The following MEF2C variants were observed in gnomAD, a reference collection of about 807,000 sequenced individuals.
The protein encoded by MEF2C is myocyte-specific enhancer factor 2C.
In MEF2C, 6 loss-of-function variants were observed where a neutral mutation model predicts 50.5. The observed-to-expected ratio is 0.12, with a 90% CI of 0.07 to 0.23. The LOEUF (loss-of-function observed/expected upper bound fraction) is 0.23. Ranked by LOEUF, MEF2C falls within the 10% of genes least tolerant of loss-of-function variation. The pLI, the probability that MEF2C is intolerant of heterozygous loss-of-function variation, is 1.00. For missense variants in MEF2C, 276 were observed against 605.0 expected (o/e 0.46, Z 5.70); for synonymous variants, 183 against 228.0 (o/e 0.80, Z 1.78).
chr5:88,733,402 G>A, intron 6 of MEF2C: 1 of 985,216 alleles, frequency 1.0e-6, no homozygotes, highest in Non-Finnish European at 1.2e-6. Context: ...GGGTTTATAT[G>A]GTGGAAATGA....
At chr5:88,895,876 A>G (rs2150284759) in intron 1 of MEF2C, among the ~76,000 whole-genome samples, 1 of 152,330 alleles carries the variant, frequency 6.6e-6, no homozygotes, top group Non-Finnish European at 1.5e-5. Flanking sequence ...CGCCTAATCC[A>G]TGACACGGTA....
intron 4 of MEF2C, among the ~76,000 whole-genome samples, chr5:88,758,522 T>C (rs1381762771): frequency 2.0e-5 from 3 of 152,180 alleles, no homozygotes; most frequent in East Asian, 3.9e-4. Flanking sequence ...AAAGGGAAAC[T>C]CTTCAAACTG....
At chr5:88,844,222 T>C (rs982470866) in intron 1 of MEF2C, among the ~76,000 whole-genome samples, 59 of 152,344 alleles carry the variant, frequency 3.9e-4, no homozygotes, top group African/African-American at 1.4e-3. Flanking sequence ...CGTAATCTCA[T>C]GATTATACTT....
intron 6 of MEF2C, chr5:88,738,531 T>C (rs1765084137): frequency 1.1e-6 from 1 of 895,966 alleles, no homozygotes; most frequent in Admixed American, 6.2e-5. Context: ...GTCAAACAGC[T>C]ATCAACTGGT....
At chr5:88,740,847 TG>T in intron 6 of MEF2C, 1 of 985,408 alleles carries the variant, frequency 1.0e-6, no homozygotes, top group African/African-American at 1.7e-5. Context: ...CTTGAGATTT[TG>T]GGGCTGTCTC....
chr5:88,810,667 TA>T (rs1802400292), intron 2 of MEF2C, among the ~76,000 whole-genome samples: 1 of 152,194 alleles, frequency 6.6e-6, no homozygotes. Flanking sequence ...GCTGATGAAC[TA>T]TAATTAATGA....
chr5:88,835,963 C>T (rs771596468), intron 1 of MEF2C, among the ~76,000 whole-genome samples: 38 of 151,950 alleles, frequency 2.5e-4, no homozygotes, highest in South Asian at 2.1e-4. Flanking sequence ...ATTTCCTATG[C>T]CTTAAGGAAT....
chr5:88,758,222 T>C (rs142422152), intron 4 of MEF2C, among the ~76,000 whole-genome samples: 17 of 152,324 alleles, frequency 1.1e-4, no homozygotes, highest in African/African-American at 3.8e-4. Flanking sequence ...GCCCATTATT[T>C]TGAAGAAAAT....
At chr5:88,854,210 CAATA>C (rs961181584) in intron 1 of MEF2C, among the ~76,000 whole-genome samples, 1 of 152,230 alleles carries the variant, frequency 6.6e-6, no homozygotes, top group African/African-American at 2.4e-5. Flanking sequence ...TATTAGGATA[CAATA>C]AATAGATACT....
Position 88,720,709 on chromosome 5 carries a change from A to G in MEF2C, c.*1895T>C, listed in dbSNP as rs1005181503. 1.3e-5 allele frequency: 2 copies of G among 152,564 alleles called. No homozygotes were observed. Among genetic ancestry groups the G allele is most frequent in the African/African-American group, 4.8e-5 (2 of 41,428 alleles). The allele number at this position is 152,564 out of a possible 1,614,324, so 9.5% of individuals were successfully genotyped here. A position where few individuals can be genotyped will look rare whatever the true frequency, so the allele number is the denominator to read the frequency against. ...GACTGAAATATCTTTTAAACAATAT[A>G]TATTGACTTTCTTATGGCACTCACT... On this transcript the variant is annotated 3_prime_UTR_variant, in exon 11 of 11. Transcript: ENST00000504921.
intron 4 of MEF2C, among the ~76,000 whole-genome samples, chr5:88,758,769 G>A (rs182547532): frequency 2.0e-5 from 3 of 152,210 alleles, no homozygotes; most frequent in Admixed American, 2.0e-4. Context: ...GAGCTGGGTG[G>A]CTCCTTCTCA....
At chr5:88,897,088 C>A (rs1196791981) in intron 1 of MEF2C, among the ~76,000 whole-genome samples, 3 of 152,060 alleles carry the variant, frequency 2.0e-5, no homozygotes, top group Admixed American at 6.6e-5. Flanking sequence ...AATACCTTCA[C>A]TAAAGGAGCT....
At chr5:88,897,321 T>C (rs1835216194) in intron 1 of MEF2C, among the ~76,000 whole-genome samples, 1 of 152,218 alleles carries the variant, frequency 6.6e-6, no homozygotes, top group Non-Finnish European at 1.5e-5. Flanking sequence ...CGTGAGATTC[T>C]AGTCTGTGTA....
chr5:88,869,312 TATAC>T (rs200803191), intron 1 of MEF2C, among the ~76,000 whole-genome samples: 19,139 of 108,364 alleles, frequency 0.18, 2,033 homozygotes, highest in African/African-American at 0.3. Flanking sequence ...TATATATATA[TATAC>T]ACATATAGCT....
chr5:88,776,895 A>G (rs1785048457), intron 3 of MEF2C, among the ~76,000 whole-genome samples: 1 of 152,192 alleles, frequency 6.6e-6, no homozygotes, highest in Non-Finnish European at 1.5e-5. Flanking sequence ...CTAACTCAAC[A>G]AGGCCAAGTG....
At chr5:88,828,402 C>T (rs540075669) in intron 1 of MEF2C, among the ~76,000 whole-genome samples, 40 of 151,924 alleles carry the variant, frequency 2.6e-4, no homozygotes, top group South Asian at 2.1e-4. Flanking sequence ...AAAAAAATTC[C>T]GGTTTTCTTT....
chr5:88,799,261 G>C (rs1284013314), intron 3 of MEF2C, among the ~76,000 whole-genome samples: 2 of 152,238 alleles, frequency 1.3e-5, no homozygotes, highest in South Asian at 4.1e-4. Flanking sequence ...CCTTCCCCTA[G>C]GTGCTCTGTC....
At chr5:88,741,133 G>A (rs1766552896) in intron 6 of MEF2C, 2 of 985,228 alleles carry the variant, frequency 2.0e-6, no homozygotes, top group Admixed American at 6.2e-5. Context: ...TTGAGGATAG[G>A]AGCCCCGTGC....
At chr5:88,810,627 G>A (rs1054648373) in intron 2 of MEF2C, among the ~76,000 whole-genome samples, 8 of 152,118 alleles carry the variant, frequency 5.3e-5, no homozygotes, top group Admixed American at 2.0e-4. Flanking sequence ...TTTGAGACTG[G>A]ATGGTAGTAA....
Sources: gnomAD v4.1 joint callset for allele counts (sites outside exome capture counted in the v4.1 genomes callset) on GRCh38, gnomAD v4.1.1 for gene constraint, MANE v1.5 for transcripts, NCBI Gene and HGNC (gene_info 2026-07-23, HGNC 2026-07-21) for gene names.